MROH2B: variants seen among roughly 807,000 people sequenced by gnomAD.
MROH2B encodes maestro heat-like repeat-containing protein family member 2B.
A neutral mutation model predicts 208.6 loss-of-function variants in MROH2B; 177 were observed. The ratio of observed to expected loss-of-function variants is 0.85; its 90% CI spans 0.75 to 0.96. MROH2B has a LOEUF of 0.96. Ranked by LOEUF, MROH2B falls within the 40% of genes least tolerant of loss-of-function variation. The pLI is 0.00. For missense variants in MROH2B, 2,002 were observed against 1,878.7 expected (o/e 1.07, Z -1.21); for synonymous variants, 728 against 659.0 (o/e 1.10, Z -1.60).
chr5:41,049,206 C>A, intron 14 of MROH2B, 65 bp from the exon 15 acceptor site: 1 of 1,607,538 alleles, frequency 6.2e-7, no homozygotes, highest in Non-Finnish European at 8.5e-7. Flanking sequence ...GGTTTAAGGT[C>A]AAAGCACTGT....
chr5:41,035,821 CA>C (rs1742738975), intron 21 of MROH2B, among the ~76,000 whole-genome samples: 3 of 146,016 alleles, frequency 2.1e-5, no homozygotes, highest in African/African-American at 7.6e-5. Flanking sequence ...AAAAACAAAA[CA>C]AAACAAAAAA....
chr5:41,064,456 T>C lies in MROH2B; in HGVS notation c.460+16A>G, dbSNP rs1465617539. The C allele has an allele frequency of 6.2e-7, 1 of 1,607,938 alleles. No individual in the cohort carries two copies. The highest frequency in any genetic ancestry group is 8.5e-7 in the Non-Finnish European group (1 of 1,175,648). On this transcript the variant is annotated intron_variant, in intron 5 of 41. Transcript: ENST00000399564. ...GCCTGGTTTTTAAGCAAAAAGGAAATCATCGGGATACCCACCAATACAGAA... is the reference window on the plus strand; with the variant it reads ...GCCTGGTTTTTAAGCAAAAAGGAAACCATCGGGATACCCACCAATACAGAA...
rs547115513 is a variant in MROH2B at position 41,025,855 on chromosome 5, A to T, written c.2442-6837T>A. On this transcript the variant is annotated intron_variant, in intron 24 of 41. Transcript: ENST00000399564. ...TATCCACCATGATCAAGTGGGCTTC[A>T]TCCCAGGGATGCAAGGCTGGTTCAA... 2.0e-3 allele frequency among the ~76,000 whole-genome samples: 308 copies of T among 152,374 alleles called. 1 individual carries two copies. The highest frequency in any genetic ancestry group is 7.0e-3 in the African/African-American group (292 of 41,592).
intron 28 of MROH2B, among the ~76,000 whole-genome samples, chr5:41,016,942 C>T (rs975247488): frequency 1.3e-5 from 2 of 151,998 alleles, no homozygotes; most frequent in Non-Finnish European, 2.9e-5. Flanking sequence ...TTATCTCTTT[C>T]CCCCAACCAA....
chr5:41,055,299 A>C (rs913386193), intron 10 of MROH2B, among the ~76,000 whole-genome samples: 1 of 152,226 alleles, frequency 6.6e-6, no homozygotes, highest in Admixed American at 6.5e-5. Flanking sequence ...GGCTAATTAT[A>C]ATTAAAGATT....
Position 41,018,779 on chromosome 5 carries a change from T to C in MROH2B, c.2585A>G (p.Tyr862Cys), listed in dbSNP as rs1047635148. The C allele has an allele frequency of 1.2e-6, 2 of 1,613,760 alleles. No individual in the cohort carries two copies. Among genetic ancestry groups the C allele is most frequent in the Admixed American group, 1.7e-5 (1 of 59,972 alleles). ...DKDKEHIQFL[Y>C]ERSMDALGKL... The stretch of plus-strand genomic sequence containing the variant: ...TCCTAGGGCGTCCATGGATCGTTCA[T>C]AGAGAAACTGAAATCAAATATGTGT... Residue 862 changes from tyrosine (Y) to cysteine (C), a missense_variant, in exon 26 of 42, where the codon TAT becomes TGT. Coordinates refer to ENST00000399564, the MANE Select transcript of MROH2B (RefSeq NM_173489.5).
Position 41,028,252 on chromosome 5 carries a change from C to T in MROH2B, c.2441+4490G>A, listed in dbSNP as rs113835190. ...ACAAATTGACCTAGCCATCATCTCACATAGTTATCTGTTTCTCTCCTGTCC... is the reference window on the plus strand; with the variant it reads ...ACAAATTGACCTAGCCATCATCTCATATAGTTATCTGTTTCTCTCCTGTCC... On this transcript the variant is annotated intron_variant, in intron 24 of 41. Transcript: ENST00000399564. 5.3e-5 allele frequency among the ~76,000 whole-genome samples: 8 copies of T among 152,246 alleles called. 1 individual carries two copies. The highest frequency in any genetic ancestry group is 1.4e-4 in the African/African-American group (6 of 41,544).
chr5:41,034,062 G>C, intron 21 of MROH2B, 198 bp from the exon 22 acceptor site: 1 of 984,958 alleles, frequency 1.0e-6, no homozygotes, highest in African/African-American at 1.7e-5. Context: ...TACATTTGCA[G>C]AGTCTTTCCC....
intron 30 of MROH2B, 140 bp from the exon 31 acceptor site, chr5:41,010,219 C>A: frequency 1.3e-6 from 1 of 767,296 alleles, no homozygotes; most frequent in Admixed American, 3.1e-5. Context: ...CACATGTGGC[C>A]TATTTCTCAC....
At chr5:41,005,468 G>T in intron 35 of MROH2B, 63 bp downstream of exon 35, 1 of 1,050,154 alleles carries the variant, frequency 9.5e-7, no homozygotes, top group Non-Finnish European at 1.4e-6. Context: ...CTGGGCTCCA[G>T]ACCATAAGAG....
intron 24 of MROH2B, among the ~76,000 whole-genome samples, chr5:41,031,284 A>G (rs1468690160): frequency 2.0e-5 from 3 of 152,116 alleles, no homozygotes; most frequent in African/African-American, 7.2e-5. Flanking sequence ...GGAACAGCCA[A>G]ACACTTATAA....
chr5:41,041,447 C>T (rs1453619569), intron 19 of MROH2B, among the ~76,000 whole-genome samples: 2 of 151,946 alleles, frequency 1.3e-5, no homozygotes, highest in Non-Finnish European at 2.9e-5. Context: ...GCCAACATGG[C>T]GAAACCCTAT....
chr5:41,002,244 A>C (rs1317183993), intron 37 of MROH2B, among the ~76,000 whole-genome samples: 1 of 152,198 alleles, frequency 6.6e-6, no homozygotes, highest in African/African-American at 2.4e-5. Flanking sequence ...ATGATGAAAA[A>C]TCAGAAAGAA....
rs758354585 is a variant in MROH2B, at chr5:41,032,751, C to T, written c.2432G>A (p.Arg811Lys). The T allele has an allele frequency of 6.2e-7, 1 of 1,612,106 alleles. No homozygotes were observed. The highest frequency in any genetic ancestry group is 2.2e-5 in the East Asian group (1 of 44,862). ...PIRWKALIAI[R>K]YLSKLKPQLS... ...ACTAAAAATTATCTACCTGAGATAC[C>T]TAATGGCGATTAAGGCTTTCCACCG... The change falls in exon 24 of 42, where the codon AGG becomes AAG. Residue 811 changes from arginine (R) to lysine (K), a missense_variant. Transcript: ENST00000399564.
At position 41,048,716 on chromosome 5, in the gene MROH2B, G is replaced by A. The variant is rs150640811; in HGVS notation, c.1543-251C>T. Among the ~76,000 whole-genome samples, 136 of 152,218 alleles carry A rather than the reference G, an allele frequency of 8.9e-4. 1 individual carries two copies. The East Asian group carries it at 0.025, about 27-fold the overall frequency. ...AGCACCAACCAAAAATAAGTGGAAAGAATTAACACTTAGATATATCAATTA... is the reference window on the plus strand; with the variant it reads ...AGCACCAACCAAAAATAAGTGGAAAAAATTAACACTTAGATATATCAATTA... On this transcript the variant is annotated intron_variant, in intron 15 of 41. Transcript: ENST00000399564.
intron 35 of MROH2B, 108 bp downstream of exon 35, chr5:41,005,423 C>CA (rs777438461): frequency 0.063 from 15,377 of 242,606 alleles, 2,447 homozygotes; most frequent in East Asian, 0.34. Context: ...ACCCCCCCCC[C>CA]CCTTGAAGTC....
intron 24 of MROH2B, among the ~76,000 whole-genome samples, chr5:41,025,461 C>G (rs1299662148): frequency 6.6e-6 from 1 of 152,066 alleles, no homozygotes; most frequent in African/African-American, 2.4e-5. Flanking sequence ...CCTGAACACA[C>G]ACAACCTCCC....
intron 24 of MROH2B, among the ~76,000 whole-genome samples, chr5:41,029,764 C>G (rs1450466828): frequency 6.6e-6 from 1 of 151,818 alleles, no homozygotes; most frequent in Non-Finnish European, 1.5e-5. Context: ...GACAAATGGA[C>G]TACTTAAAAA....
intron 15 of MROH2B, among the ~76,000 whole-genome samples, 164 bp downstream of exon 15, chr5:41,048,937 T>C (rs1251704394): frequency 2.0e-5 from 3 of 152,248 alleles, no homozygotes; most frequent in African/African-American, 7.2e-5. Context: ...ATGTCAATAA[T>C]AAATATTCAT....
Sources: allele counts gnomAD v4.1 joint callset (sites outside exome capture counted in the v4.1 genomes callset), GRCh38; gene constraint gnomAD v4.1.1; transcripts MANE v1.5; gene names NCBI Gene and HGNC (gene_info 2026-07-23, HGNC 2026-07-21).